The following SFMBT2 variants were observed in gnomAD, a reference collection of about 807,000 sequenced individuals.
SFMBT2 encodes the protein scm-like with four MBT domains protein 2.
A neutral mutation model predicts 110.1 loss-of-function variants in SFMBT2; 38 were observed. The observed-to-expected ratio is 0.35, with a 90% CI of 0.27 to 0.45. The LOEUF is 0.45. Ranked by LOEUF, SFMBT2 falls within the 20% of genes least tolerant of loss-of-function variation. The pLI is 1.00. For missense variants in SFMBT2, 1,011 were observed against 1,094.9 expected, an observed-to-expected ratio of 0.92 and a Z score of 1.08; for synonymous variants, 425 against 425.4, an observed-to-expected ratio of 1.00 and a Z score of 0.01.
At chr10:7,249,531 G>A (rs550405718) in intron 7 of SFMBT2, 371 of 985,288 alleles carry the variant, frequency 3.8e-4, no homozygotes, top group Non-Finnish European at 4.3e-4. Context: ...TAAATCCTGC[G>A]ATTTCCAAAT....
chr10:7,251,978 T>C (rs535788937), intron 7 of SFMBT2, among the ~76,000 whole-genome samples: 28 of 152,292 alleles, frequency 1.8e-4, no homozygotes, highest in African/African-American at 6.7e-4. Flanking sequence ...GCCCTCTTCA[T>C]TCCCTCCATT....
At chr10:7,292,525 T>TAATG (rs1356410175) in intron 4 of SFMBT2, among the ~76,000 whole-genome samples, 1 of 152,244 alleles carries the variant, frequency 6.6e-6, no homozygotes, top group African/African-American at 2.4e-5. Context: ...CTGTCTTTAA[T>TAATG]AATGAATGTA....
chr10:7,270,514 T>C (rs1379546133), intron 7 of SFMBT2, among the ~76,000 whole-genome samples: 2 of 152,204 alleles, frequency 1.3e-5, no homozygotes, highest in Admixed American at 6.5e-5. Flanking sequence ...TCCATTGAAC[T>C]GAAATAAGAG....
chr10:7,255,658 G>A (rs372300387), intron 7 of SFMBT2, among the ~76,000 whole-genome samples: 13 of 152,322 alleles, frequency 8.5e-5, no homozygotes, highest in African/African-American at 2.9e-4. Context: ...GCAGACTGAC[G>A]TGGTAAAAGT....
At position 7,368,478 on chromosome 10, in the gene SFMBT2, G is replaced by A. The variant is rs192899952; in HGVS notation, c.196-589C>T. The A allele has an allele frequency of 3.2e-3, 1,200 of 372,420 alleles. 5 individuals are homozygous for A. Among genetic ancestry groups the A allele is most frequent in the Admixed American group, 5.0e-3 (78 of 15,558 alleles). 23.1% of individuals were successfully genotyped at this position (372,420 alleles called of 1,614,324 possible). A position where few individuals can be genotyped will look rare whatever the true frequency, so the allele number is the denominator to read the frequency against. ...GTCCGCAAGTGGCCACTGCTGAAAG[G>A]AGATGACAGACTTATCAATCACACT... On this transcript the variant is annotated intron_variant, in intron 3 of 20. Coordinates refer to ENST00000397167, the MANE Select transcript of SFMBT2 (RefSeq NM_001387889.1).
At position 7,172,318 on chromosome 10, in the gene SFMBT2, AGCAGCTGGACACACT is replaced by A; in HGVS notation, c.2151+162_2152-161del. ...GCCCTACGAGGCCCTTCCCAGCCAA[AGCAGCTGGACACACT>A]ACATTTGTTTTCAGCAAGTAAGGAG... On this transcript the variant is annotated intron_variant, in intron 18 of 20. Coordinates refer to ENST00000397167, the MANE Select transcript of SFMBT2 (RefSeq NM_001387889.1). The surrounding 1 kb of genome is among the most constrained non-coding windows in gnomAD (Gnocchi z 4.6). 1 of 984,890 alleles carries A rather than the reference AGCAGCTGGACACACT, an allele frequency of 1.0e-6. No individual in the cohort carries two copies. Among genetic ancestry groups the A allele is most frequent in the Non-Finnish European group, 1.2e-6 (1 of 829,404 alleles). 61.0% of individuals were successfully genotyped at this position (984,890 alleles called of 1,614,324 possible).
intron 4 of SFMBT2, among the ~76,000 whole-genome samples, chr10:7,361,081 C>T (rs566621298): frequency 6.6e-6 from 1 of 152,312 alleles, no homozygotes; most frequent in African/African-American, 2.4e-5. Context: ...GTGTTCTGCT[C>T]TCTTATTACT....
At chr10:7,174,002 C>T (rs1036757789) in intron 17 of SFMBT2, among the ~76,000 whole-genome samples, 14 of 152,310 alleles carry the variant, frequency 9.2e-5, no homozygotes, top group Middle Eastern at 6.8e-3. Flanking sequence ...AGGCCTAAGA[C>T]CCTCTATGTC....
chr10:7,382,030 A>G, intron 1 of SFMBT2, 81 bp from the exon 2 acceptor site: 1 of 739,824 alleles, frequency 1.4e-6, no homozygotes, highest in African/African-American at 1.8e-5. Context: ...TTGTTTAAAA[A>G]AAACCTTATT....
At chr10:7,299,577 G>A (rs1007307411) in intron 4 of SFMBT2, among the ~76,000 whole-genome samples, 5 of 152,154 alleles carry the variant, frequency 3.3e-5, no homozygotes, top group Admixed American at 2.0e-4. Flanking sequence ...AAAAAGTCAG[G>A]AAACAATAGA....
chr10:7,254,228 C>T (rs1366346171), intron 7 of SFMBT2, among the ~76,000 whole-genome samples: 1 of 152,136 alleles, frequency 6.6e-6, no homozygotes, highest in Non-Finnish European at 1.5e-5. Context: ...GTCTTGACAT[C>T]CATTCCGATC....
chr10:7,401,618 T>C (rs1846085146), intron 1 of SFMBT2, among the ~76,000 whole-genome samples: 1 of 152,212 alleles, frequency 6.6e-6, no homozygotes, highest in Non-Finnish European at 1.5e-5. Flanking sequence ...TCATGAACTC[T>C]GCCCTCTGGT....
chr10:7,377,911 A>G (rs1845287276), intron 2 of SFMBT2, among the ~76,000 whole-genome samples: 1 of 146,524 alleles, frequency 6.8e-6, no homozygotes, highest in Non-Finnish European at 1.5e-5. Context: ...AAAGAGTAGG[A>G]AAGAACAACA....
At chr10:7,334,220 C>A (rs1204840430) in intron 4 of SFMBT2, among the ~76,000 whole-genome samples, 1 of 152,180 alleles carries the variant, frequency 6.6e-6, no homozygotes, top group Non-Finnish European at 1.5e-5. Flanking sequence ...ACCGTCACAT[C>A]CACCTGGCCT....
In SFMBT2 at chr10:7,163,911, C is replaced by T. The variant is rs1837621428; in HGVS notation, c.2545-1G>A. ...GCAGGAGTGCTTGGCCGTCAATATC[C>T]TGCAGGAAAAGAAAGGCAGGTTAGA... On this transcript the variant is annotated splice_acceptor_variant, in intron 20 of 20. Coordinates refer to ENST00000397167, the MANE Select transcript of SFMBT2 (RefSeq NM_001387889.1). LOFTEE classifies it high-confidence loss of function. This position sits in a 1 kb window ranked among gnomAD's most constrained non-coding sequence, Gnocchi z 4.8. 1 of 1,611,860 alleles carries T rather than the reference C, an allele frequency of 6.2e-7. No individual in the cohort carries two copies. The highest frequency in any genetic ancestry group is 8.5e-7 in the Non-Finnish European group (1 of 1,178,892).
chr10:7,258,983 A>G (rs1841117756), intron 7 of SFMBT2, among the ~76,000 whole-genome samples: 1 of 152,238 alleles, frequency 6.6e-6, no homozygotes, highest in South Asian at 2.1e-4. Context: ...TGTGCATTCA[A>G]TCAAGTTAAA....
chr10:7,365,488 A>G (rs771473344), intron 4 of SFMBT2, among the ~76,000 whole-genome samples: 9 of 152,198 alleles, frequency 5.9e-5, no homozygotes, highest in Non-Finnish European at 1.3e-4. Flanking sequence ...TACACAGACG[A>G]GTGGGTTCAC....
At chr10:7,291,816 A>G (rs1027174998) in intron 4 of SFMBT2, among the ~76,000 whole-genome samples, 21 of 152,190 alleles carry the variant, frequency 1.4e-4, no homozygotes, top group African/African-American at 4.3e-4. Flanking sequence ...TATGGTTTCT[A>G]GTCCTTGGTT....
intron 12 of SFMBT2, chr10:7,203,642 C>A: frequency 2.1e-6 from 2 of 975,408 alleles, no homozygotes; most frequent in Non-Finnish European, 2.4e-6. Context: ...GGGATTGGAA[C>A]CCCAACCCCA....
Sources: gnomAD v4.1 joint callset for allele counts (sites outside exome capture counted in the v4.1 genomes callset) on GRCh38, gnomAD v4.1.1 for gene constraint, Gnocchi (gnomAD v3.1) non-coding constraint, MANE v1.5 for transcripts, NCBI Gene and HGNC (gene_info 2026-07-23, HGNC 2026-07-21) for gene names.